The following CHCHD3 variants were observed in gnomAD, a reference collection of about 807,000 sequenced individuals.
The protein encoded by CHCHD3 is MICOS complex subunit MIC19.
A neutral mutation model predicts 38.2 loss-of-function variants in CHCHD3; 20 were observed. That is an observed-to-expected ratio of 0.52 (90% CI 0.37 to 0.76). The LOEUF (loss-of-function observed/expected upper bound fraction) is 0.76, where lower values mean the gene tolerates loss of function less well. Ranked by LOEUF, CHCHD3 falls within the 30% of genes least tolerant of loss-of-function variation. CHCHD3 has a pLI of 0.00. For missense variants in CHCHD3, 245 were observed against 279.2 expected (o/e 0.88, Z 0.87); for synonymous variants, 82 against 100.0 (o/e 0.82, Z 1.07).
chr7:133,007,521 G>A (rs1021111184), intron 3 of CHCHD3, among the ~76,000 whole-genome samples: 13 of 152,130 alleles, frequency 8.5e-5, no homozygotes, highest in African/African-American at 2.4e-4. Context: ...CAATCCTAAC[G>A]GAATGGCTGG....
At chr7:133,071,626 A>G (rs1814820930) in intron 1 of CHCHD3, among the ~76,000 whole-genome samples, 1 of 152,238 alleles carries the variant, frequency 6.6e-6, no homozygotes, top group Non-Finnish European at 1.5e-5. Flanking sequence ...GCTATTAAGC[A>G]TATGTCCACA....
intron 4 of CHCHD3, among the ~76,000 whole-genome samples, chr7:132,916,740 C>T (rs1192686120): frequency 6.6e-6 from 1 of 152,032 alleles, no homozygotes; most frequent in Non-Finnish European, 1.5e-5. Context: ...CACCATCATG[C>T]CCAGCTAATT....
intron 5 of CHCHD3, among the ~76,000 whole-genome samples, chr7:132,866,106 C>T (rs937745459): frequency 1.8e-4 from 27 of 152,168 alleles, no homozygotes; most frequent in African/African-American, 6.5e-4. Flanking sequence ...GAGGAACTTT[C>T]ACCCAATTCA....
At chr7:132,936,183 A>C (rs1270824314) in intron 4 of CHCHD3, among the ~76,000 whole-genome samples, 1 of 152,214 alleles carries the variant, frequency 6.6e-6, no homozygotes, top group Non-Finnish European at 1.5e-5. Context: ...GCCCGGCATG[A>C]GTAAGCACCC....
intron 1 of CHCHD3, among the ~76,000 whole-genome samples, chr7:133,074,212 A>G (rs1423448839): frequency 6.6e-6 from 1 of 152,236 alleles, no homozygotes; most frequent in African/African-American, 2.4e-5. Flanking sequence ...GCCAGGCACT[A>G]ATCAAGGCCC....
chr7:132,827,524 T>C (rs1277897570), intron 6 of CHCHD3, among the ~76,000 whole-genome samples: 1 of 152,220 alleles, frequency 6.6e-6, no homozygotes, highest in Non-Finnish European at 1.5e-5. Context: ...AAGTTTCCAA[T>C]CTTGGAGGAT....
chr7:132,820,738 A>G (rs967218166), intron 6 of CHCHD3, among the ~76,000 whole-genome samples: 5 of 150,054 alleles, frequency 3.3e-5, no homozygotes, highest in Admixed American at 6.7e-5. Context: ...TTACTTCTGG[A>G]AAAAAAAATA....
chr7:132,864,437 A>G (rs921934360), intron 5 of CHCHD3, among the ~76,000 whole-genome samples: 3 of 152,224 alleles, frequency 2.0e-5, no homozygotes, highest in Non-Finnish European at 2.9e-5. Context: ...ATCACATCAT[A>G]GATCACCATA....
chr7:132,973,361 T>C lies in CHCHD3; in HGVS notation c.369+1808A>G, dbSNP rs918202780. 9 of 985,376 alleles carry C rather than the reference T, an allele frequency of 9.1e-6. No individual in the cohort carries two copies. In the South Asian group the frequency reaches 1.4e-4, roughly 15 times the overall value. The allele number at this position is 985,376 out of a possible 1,614,324, so 61.0% of individuals were successfully genotyped here. ...CCAAATTTGGAGACTTTAATATACA[T>C]AGAAATGACTTTTCAACCCACTGAC... On this transcript the variant is annotated intron_variant, in intron 4 of 7. Coordinates refer to ENST00000262570, the MANE Select transcript of CHCHD3 (RefSeq NM_017812.4).
chr7:132,976,769 G>C (rs909439892), intron 3 of CHCHD3, among the ~76,000 whole-genome samples: 2 of 151,854 alleles, frequency 1.3e-5, no homozygotes, highest in Non-Finnish European at 2.9e-5. Flanking sequence ...AAAAAAACTA[G>C]AGATAAAATT....
intron 6 of CHCHD3, among the ~76,000 whole-genome samples, chr7:132,810,618 C>T (rs770141495): frequency 1.3e-5 from 2 of 152,112 alleles, no homozygotes; most frequent in Admixed American, 6.6e-5. Flanking sequence ...GTCTCATACA[C>T]GAGTATTTCA....
chr7:132,861,892 G>T (rs1361373147), intron 5 of CHCHD3, among the ~76,000 whole-genome samples: 1 of 152,064 alleles, frequency 6.6e-6, no homozygotes, highest in African/African-American at 2.4e-5. Context: ...TAAGCCTCAG[G>T]TGTCAAGGAA....
At chr7:132,995,112 G>A (rs1812381429) in intron 3 of CHCHD3, among the ~76,000 whole-genome samples, 2 of 152,002 alleles carry the variant, frequency 1.3e-5, no homozygotes, top group Admixed American at 1.3e-4. Flanking sequence ...ACCTCAAAAT[G>A]GTAGAAACAT....
At chr7:133,075,663 C>T (rs565789953) in intron 1 of CHCHD3, among the ~76,000 whole-genome samples, 7 of 152,292 alleles carry the variant, frequency 4.6e-5, no homozygotes, top group South Asian at 2.1e-4. Flanking sequence ...GGATTATACA[C>T]GCAATCTGTA....
At chr7:132,818,035 C>A (rs1807248653) in intron 6 of CHCHD3, among the ~76,000 whole-genome samples, 1 of 152,164 alleles carries the variant, frequency 6.6e-6, no homozygotes, top group Non-Finnish European at 1.5e-5. Context: ...CCCACCCCAG[C>A]CAAACTATGG....
intron 4 of CHCHD3, among the ~76,000 whole-genome samples, chr7:132,936,709 C>T (rs1562913875): frequency 6.6e-6 from 1 of 152,134 alleles, no homozygotes; most frequent in Non-Finnish European, 1.5e-5. Context: ...AACCTAATAT[C>T]CAAAAAGGAT....
Position 133,079,262 on chromosome 7 carries a change from T to C in CHCHD3, c.81+2595A>G, listed in dbSNP as rs138152012. Among the ~76,000 whole-genome samples the C allele has an allele frequency of 6.6e-3, 1,011 of 152,352 alleles. 30 individuals are homozygous for C. Among genetic ancestry groups the C allele is most frequent in the Admixed American group, 0.054 (824 of 15,302 alleles). On this transcript the variant is annotated intron_variant, in intron 1 of 7. Coordinates refer to ENST00000262570, the MANE Select transcript of CHCHD3 (RefSeq NM_017812.4). Reference sequence around the variant, plus strand: ...CTATTATTCACAAGTGCAAACACTGTCAAAGTACAAGACACTGTGCTAGAT... The same window carrying C: ...CTATTATTCACAAGTGCAAACACTGCCAAAGTACAAGACACTGTGCTAGAT...
intron 3 of CHCHD3, among the ~76,000 whole-genome samples, chr7:132,993,784 A>T (rs1562932140): frequency 6.6e-6 from 1 of 152,222 alleles, no homozygotes; most frequent in South Asian, 2.1e-4. Context: ...TCTCAGGAAC[A>T]GTCACAGAGA....
intron 3 of CHCHD3, among the ~76,000 whole-genome samples, chr7:132,993,667 A>C (rs1812339922): frequency 6.6e-6 from 1 of 152,212 alleles, no homozygotes; most frequent in Admixed American, 6.5e-5. Context: ...GTGGTATGCC[A>C]GCAGCTGATG....
Sources: gnomAD v4.1 joint callset for allele counts (sites outside exome capture counted in the v4.1 genomes callset) on GRCh38, gnomAD v4.1.1 for gene constraint, MANE v1.5 for transcripts, NCBI Gene and HGNC (gene_info 2026-07-23, HGNC 2026-07-21) for gene names.